Variants in UBAC2 observed in about 807,000 individuals in gnomAD.
The protein encoded by UBAC2 is ubiquitin-associated domain-containing protein 2.
Under a neutral mutation model 44.0 loss-of-function variants are expected in UBAC2, and 26 were observed. The ratio of observed to expected loss-of-function variants is 0.59; its 90% CI spans 0.43 to 0.82. The LOEUF (loss-of-function observed/expected upper bound fraction) is 0.82, where lower values mean the gene tolerates loss of function less well. UBAC2 is among the 40% of genes least tolerant of loss of function. The probability of loss-of-function intolerance (pLI) is 0.00; values close to 1 mark genes in which losing one functional copy is unlikely to be tolerated. For missense variants in UBAC2, 329 were observed against 419.4 expected (o/e 0.78, Z 1.88); for synonymous variants, 155 against 154.3 (o/e 1.00, Z -0.04).
At chr13:99,271,838 G>A (rs2043819778) in intron 4 of UBAC2, among the ~76,000 whole-genome samples, 1 of 152,066 alleles carries the variant, frequency 6.6e-6, no homozygotes, top group Non-Finnish European at 1.5e-5. Context: ...CTACTGCTGG[G>A]TCCTGAGGGG....
intron 1 of UBAC2, among the ~76,000 whole-genome samples, chr13:99,207,097 G>A (rs748590745): frequency 1.3e-5 from 2 of 152,262 alleles, no homozygotes; most frequent in Non-Finnish European, 2.9e-5. Context: ...GGTTACAGCT[G>A]ATGCTTTCTC....
intron 4 of UBAC2, among the ~76,000 whole-genome samples, chr13:99,273,739 C>T (rs901350189): frequency 6.6e-6 from 1 of 151,912 alleles, no homozygotes; most frequent in Non-Finnish European, 1.5e-5. Flanking sequence ...ACAGGTGATC[C>T]CTGTATTTCT....
chr13:99,201,147 G>T, intron 1 of UBAC2: 1 of 1,364,860 alleles, frequency 7.3e-7, no homozygotes, highest in Non-Finnish European at 9.5e-7. Flanking sequence ...TGGGGACAAA[G>T]CCCCGCCGCC....
At chr13:99,300,629 G>T (rs749470980) in intron 4 of UBAC2, among the ~76,000 whole-genome samples, 22 of 152,158 alleles carry the variant, frequency 1.4e-4, no homozygotes, top group Non-Finnish European at 2.8e-4. Context: ...CTTTCATTCA[G>T]CAGGAAAATG....
intron 1 of UBAC2, among the ~76,000 whole-genome samples, chr13:99,224,380 A>G (rs2043087414): frequency 6.6e-6 from 1 of 152,136 alleles, no homozygotes; most frequent in South Asian, 2.1e-4. Context: ...TCAACATACA[A>G]ATTTTAGGAG....
At chr13:99,233,363 G>C (rs998985238) in intron 1 of UBAC2, among the ~76,000 whole-genome samples, 3 of 152,000 alleles carry the variant, frequency 2.0e-5, no homozygotes, top group Non-Finnish European at 4.4e-5. Context: ...TGCTCTCCTC[G>C]GTCTCCCAAA....
intron 4 of UBAC2, among the ~76,000 whole-genome samples, chr13:99,275,844 C>T (rs1487393759): frequency 6.6e-6 from 1 of 152,110 alleles, no homozygotes; most frequent in Non-Finnish European, 1.5e-5. Context: ...TGGGCTCTGT[C>T]ATAAGGTCCC....
At chr13:99,349,232 C>T (rs937686664) in intron 7 of UBAC2, among the ~76,000 whole-genome samples, 7 of 152,274 alleles carry the variant, frequency 4.6e-5, no homozygotes, top group East Asian at 1.9e-4. Context: ...TCCCTTTGCT[C>T]GCTGTAGCAA....
Position 99,323,876 on chromosome 13 carries a change from C to A in UBAC2, c.561+5807C>A, listed in dbSNP as rs73568073. ...ACGTGTGATTTTTAAATGCTCAGTG[C>A]AGAATAAATGAAATGATGCCATTGT... On this transcript the variant is annotated intron_variant, in intron 6 of 8. Coordinates refer to ENST00000403766, the MANE Select transcript of UBAC2 (RefSeq NM_001144072.2). 5.5e-3 allele frequency among the ~76,000 whole-genome samples: 830 copies of A among 152,240 alleles called. 7 individuals carry two copies. Among genetic ancestry groups the A allele is most frequent in the African/African-American group, 0.019 (790 of 41,520 alleles).
At chr13:99,259,124 T>C (rs1021248161) in intron 4 of UBAC2, among the ~76,000 whole-genome samples, 6 of 152,172 alleles carry the variant, frequency 3.9e-5, no homozygotes, top group Admixed American at 6.5e-5. Context: ...AGAAGGGAAA[T>C]GAAACCAGCA....
At chr13:99,373,743 T>C (rs2138911956) in intron 8 of UBAC2, among the ~76,000 whole-genome samples, 1 of 152,240 alleles carries the variant, frequency 6.6e-6, no homozygotes, top group East Asian at 1.9e-4. Context: ...GGGGCACTTC[T>C]TGGGATTCTA....
At chr13:99,283,164 T>G (rs2043975234) in intron 4 of UBAC2, among the ~76,000 whole-genome samples, 1 of 152,242 alleles carries the variant, frequency 6.6e-6, no homozygotes, top group Admixed American at 6.5e-5. Flanking sequence ...ATTATTTTGT[T>G]TACTTACTTA....
chr13:99,351,832 A>C, intron 7 of UBAC2: 1 of 453,428 alleles, frequency 2.2e-6, no homozygotes, highest in Non-Finnish European at 4.4e-6. Context: ...TCCTCATCTC[A>C]TTGGGCTGCC....
intron 4 of UBAC2, among the ~76,000 whole-genome samples, chr13:99,300,673 A>G (rs1014081134): frequency 3.3e-5 from 5 of 152,354 alleles, no homozygotes; most frequent in East Asian, 1.9e-4. Context: ...GATGCTGGGA[A>G]TACAGAGATG....
At chr13:99,340,203 T>C in intron 6 of UBAC2, 117 bp from the exon 7 acceptor site, 1 of 1,155,556 alleles carries the variant, frequency 8.7e-7, no homozygotes, top group African/African-American at 1.5e-5. Context: ...TGCCTAACAC[T>C]GCTATGACTA....
At chr13:99,362,006 C>T (rs1773934816) in intron 7 of UBAC2, among the ~76,000 whole-genome samples, 1 of 151,782 alleles carries the variant, frequency 6.6e-6, no homozygotes, top group Admixed American at 6.6e-5. Flanking sequence ...GACCCTCATC[C>T]CCAAAAAAAG....
chr13:99,301,492 T>C (rs1202615085), intron 4 of UBAC2, among the ~76,000 whole-genome samples: 1 of 152,246 alleles, frequency 6.6e-6, no homozygotes, highest in Non-Finnish European at 1.5e-5. Context: ...GTATTTTTAC[T>C]TATGCTTTGA....
rs547771778 is a variant in UBAC2, at chr13:99,201,316, C to T, written c.31+377C>T. 54 of 1,497,986 alleles carry T rather than the reference C, an allele frequency of 3.6e-5. No individual in the cohort carries two copies. In the African/African-American group the frequency reaches 6.7e-4, roughly 19 times the overall value. 92.8% of individuals were successfully genotyped at this position (1,497,986 alleles called of 1,614,324 possible). A position where few individuals can be genotyped will look rare whatever the true frequency, so the allele number is the denominator to read the frequency against. ...AGGGGCCGTCCCCCTTACCATGCCC[C>T]ATTCTTTTAGGCTTGGGGGACCGAA... On this transcript the variant is annotated intron_variant, in intron 1 of 8. Transcript: ENST00000403766.
intron 4 of UBAC2, among the ~76,000 whole-genome samples, chr13:99,289,255 A>G (rs2044059762): frequency 6.6e-6 from 1 of 152,224 alleles, no homozygotes; most frequent in South Asian, 2.1e-4. Context: ...GGAAAGGAAG[A>G]TGGATGGCTT....
Sources: allele counts gnomAD v4.1 joint callset (sites outside exome capture counted in the v4.1 genomes callset), GRCh38; gene constraint gnomAD v4.1.1; transcripts MANE v1.5; gene names NCBI Gene and HGNC (gene_info 2026-07-23, HGNC 2026-07-21).